FUBP1: variants seen among roughly 807,000 people sequenced by gnomAD.
FUBP1 encodes the protein far upstream element binding protein 1.
In FUBP1, 16 loss-of-function variants were observed where a neutral mutation model predicts 94.9. The observed-to-expected ratio is 0.17, with a 90% CI of 0.11 to 0.26. FUBP1 has a LOEUF of 0.26. FUBP1 is among the 10% of genes least tolerant of loss of function. The pLI is 1.00. For synonymous variants in FUBP1, 279 were observed against 254.9 expected (o/e 1.09, Z -0.90); for missense variants, 583 against 808.6 (o/e 0.72, Z 3.38).
chr1:77,977,397 G>A (rs944902228), intron 1 of FUBP1, among the ~76,000 whole-genome samples: 1 of 152,096 alleles, frequency 6.6e-6, no homozygotes, highest in Non-Finnish European at 1.5e-5. Flanking sequence ...ATGGTGGCGG[G>A]CGCCTGTAAT....
intron 16 of FUBP1, 35 bp from the exon 17 acceptor site, chr1:77,956,735 A>G (rs1654529973): frequency 3.2e-6 from 5 of 1,583,158 alleles, no homozygotes; most frequent in African/African-American, 1.3e-5. Context: ...TTGCATGTGA[A>G]GTCTGTAATT....
rs777484242 is a variant in FUBP1, at chr1:77,966,687, A to C, written c.473+7T>G. On this transcript the variant is annotated splice_region_variant and intron_variant, in intron 7 of 19. Coordinates refer to ENST00000370768, the MANE Select transcript of FUBP1 (RefSeq NM_003902.5). Reference sequence around the variant, plus strand: ...TTAAGTAGATTTTTAAGATTTTTCAAACTTACTGGACAGATTCAGGTGTTC... The same window carrying C: ...TTAAGTAGATTTTTAAGATTTTTCACACTTACTGGACAGATTCAGGTGTTC... The C allele has an allele frequency of 9.8e-6, 14 of 1,432,822 alleles. No individual in the cohort carries two copies. The Admixed American group carries it at 2.4e-4, about 25-fold the overall frequency. The allele number at this position is 1,432,822 out of a possible 1,614,324, so 88.8% of individuals were successfully genotyped here.
At chr1:77,978,472 T>A (rs1659168379) in intron 1 of FUBP1, among the ~76,000 whole-genome samples, 1 of 152,142 alleles carries the variant, frequency 6.6e-6, no homozygotes, top group South Asian at 2.1e-4. Context: ...GCTACTTTAA[T>A]GATAAATCCC....
chr1:77,957,553 T>C (rs766848009), intron 16 of FUBP1, among the ~76,000 whole-genome samples: 13 of 152,204 alleles, frequency 8.5e-5, no homozygotes, highest in Non-Finnish European at 1.9e-4. Context: ...CAGAAAAAAC[T>C]TGATTGTCTT....
At chr1:77,966,330 TG>T (rs1557455689) in intron 7 of FUBP1, among the ~76,000 whole-genome samples, 1 of 150,986 alleles carries the variant, frequency 6.6e-6, no homozygotes, top group Admixed American at 6.6e-5. Context: ...GGGAGAGGAG[TG>T]GAAAAGTGAA....
In FUBP1 at chr1:77,970,030, GA is replaced by G; in HGVS notation, c.121-16del. Reference sequence around the variant, plus strand: ...TTTGCTGCAATCTAAAAAAAAAAAAGAAAAATACCATCATAAACTATTATAT... The same window carrying G: ...TTTGCTGCAATCTAAAAAAAAAAAAGAAAATACCATCATAAACTATTATAT... On this transcript the variant is annotated splice_polypyrimidine_tract_variant and intron_variant, in intron 1 of 19. Coordinates refer to ENST00000370768, the MANE Select transcript of FUBP1 (RefSeq NM_003902.5). The G allele has an allele frequency of 8.2e-7, 1 of 1,213,574 alleles. No individual in the cohort carries two copies. The highest frequency in any genetic ancestry group is 1.9e-5 in the Admixed American group (1 of 52,010). The allele number at this position is 1,213,574 out of a possible 1,614,324, so 75.2% of individuals were successfully genotyped here.
chr1:77,949,826 C>T (rs551949203), intron 18 of FUBP1, among the ~76,000 whole-genome samples: 24 of 152,208 alleles, frequency 1.6e-4, no homozygotes, highest in African/African-American at 4.6e-4. Context: ...AAGACTTTTT[C>T]CTGATTAGTA....
intron 18 of FUBP1, among the ~76,000 whole-genome samples, chr1:77,951,784 G>C (rs1653520317): frequency 2.0e-5 from 3 of 152,214 alleles, no homozygotes; most frequent in East Asian, 1.9e-4. Context: ...GATTCTATTA[G>C]AGCCTAAGAG....
rs981637861 is a variant in FUBP1 at position 77,965,169 on chromosome 1, T to C, written c.536A>G (p.His179Arg). ...AACTGCATTTCCCGGTCCATCGCCA[T>C]GATGGAAGCCAGGAGCTGGTCTTCC... ...EKGRPAPGFH[H>R]GDGPGNAVQE... Residue 179 changes from histidine (H) to arginine (R), a missense_variant, in exon 8 of 20, where the codon CAT (histidine) becomes CGT (arginine). Physicochemically the swap from His to Arg is conservative, Grantham distance 29 (BLOSUM62 0). Transcript: ENST00000370768. 5.0e-5 allele frequency: 81 copies of C among 1,610,510 alleles called. No homozygotes were observed. The highest frequency in any genetic ancestry group is 6.8e-5 in the Non-Finnish European group (80 of 1,176,892).
intron 18 of FUBP1, 128 bp from the exon 19 acceptor site, chr1:77,949,428 T>C: frequency 1.4e-6 from 1 of 695,228 alleles, no homozygotes; most frequent in Non-Finnish European, 2.3e-6. Context: ...TGTTTGCCCT[T>C]GTTGACCAAA....
chr1:77,973,628 T>C (rs1288386304), intron 1 of FUBP1, among the ~76,000 whole-genome samples: 1 of 152,250 alleles, frequency 6.6e-6, no homozygotes, highest in East Asian at 1.9e-4. Context: ...GTAAGTTATT[T>C]TTCCTGTTTT....
intron 13 of FUBP1, 132 bp from the exon 14 acceptor site, chr1:77,963,062 T>C (rs954511551): frequency 7.2e-5 from 39 of 538,306 alleles, no homozygotes; most frequent in Non-Finnish European, 1.2e-4. Context: ...CAATATTGTA[T>C]TAAGATTTTT....
intron 14 of FUBP1, among the ~76,000 whole-genome samples, chr1:77,961,882 C>A (rs1655543075): frequency 6.6e-6 from 1 of 151,884 alleles, no homozygotes; most frequent in Non-Finnish European, 1.5e-5. Flanking sequence ...ATCCATACAA[C>A]AGAACTCACA....
rs1652385095 is a variant in FUBP1 at position 77,947,374 on chromosome 1, G to A, written c.*1392C>T. 5 of 491,768 alleles carry A rather than the reference G, an allele frequency of 1.0e-5. No homozygotes were observed. Among genetic ancestry groups the A allele is most frequent in the African/African-American group, 1.9e-5 (1 of 52,396 alleles). The allele number at this position is 491,768 out of a possible 1,614,324, so 30.5% of individuals were successfully genotyped here. On this transcript the variant is annotated 3_prime_UTR_variant, in exon 20 of 20. Coordinates refer to ENST00000370768, the MANE Select transcript of FUBP1 (RefSeq NM_003902.5). ...TATTCCAACATAATATTCACACAAC[G>A]TATGGCATTTGCATTATGTGGAACA...
chr1:77,970,938 G>T (rs1657404138), intron 1 of FUBP1, among the ~76,000 whole-genome samples: 1 of 152,086 alleles, frequency 6.6e-6, no homozygotes, highest in African/African-American at 2.4e-5. Flanking sequence ...AGCTACTCGG[G>T]AGGCTGAGGC....
intron 1 of FUBP1, among the ~76,000 whole-genome samples, chr1:77,975,628 C>G (rs1313365857): frequency 6.6e-6 from 1 of 151,942 alleles, no homozygotes; most frequent in Non-Finnish European, 1.5e-5. Context: ...CATATAACCT[C>G]GAGGAAAAAA....
chr1:77,970,120 T>A (rs1657241186), intron 1 of FUBP1, 105 bp from the exon 2 acceptor site: 2 of 490,376 alleles, frequency 4.1e-6, no homozygotes, highest in South Asian at 1.0e-4. Flanking sequence ...ATATTTAGTA[T>A]CACATAAGAA....
chr1:77,979,302 G>T, upstream of FUBP1: 1 of 380,390 alleles, frequency 2.6e-6, no homozygotes, highest in Non-Finnish European at 4.9e-6. Flanking sequence ...GGGTGAGGCT[G>T]GGTAATTGTT....
upstream of FUBP1, chr1:77,979,183 G>A: frequency 4.8e-6 from 3 of 631,340 alleles, no homozygotes; most frequent in South Asian, 2.0e-5. Flanking sequence ...ACGCGCTGGT[G>A]TGGGTTAGGG....
Sources: allele counts gnomAD v4.1 joint callset (sites outside exome capture counted in the v4.1 genomes callset), GRCh38; gene constraint gnomAD v4.1.1; transcripts MANE v1.5; gene names NCBI Gene and HGNC (gene_info 2026-07-23, HGNC 2026-07-21).